Variants in DNAH6 observed in about 807,000 individuals in gnomAD.
DNAH6 encodes the protein axonemal beta dynein heavy chain 6.
DNAH6 carries 340 observed loss-of-function variants against 491.4 expected under a neutral mutation model. That is an observed-to-expected ratio of 0.69 (90% CI 0.63 to 0.76). The LOEUF (loss-of-function observed/expected upper bound fraction) is 0.76. DNAH6 is among the 30% of genes least tolerant of loss of function. DNAH6 has a pLI of 0.00. For missense variants in DNAH6, 4,443 were observed against 4,972.2 expected (o/e 0.89, Z 3.20); for synonymous variants, 1,603 against 1,686.1 (o/e 0.95, Z 1.21).
chr2:84,688,308 C>T (rs1694489177), intron 44 of DNAH6, 131 bp from the exon 45 acceptor site: 2 of 649,796 alleles, frequency 3.1e-6, no homozygotes, highest in African/African-American at 1.9e-5. Flanking sequence ...TTTCTGAGCT[C>T]CTATGTAAAT....
At chr2:84,627,434 G>C (rs6748022) in intron 29 of DNAH6, among the ~76,000 whole-genome samples, 3,325 of 152,140 alleles carry the variant, frequency 0.022, 67 homozygotes, top group Admixed American at 0.047. Flanking sequence ...TGGAATTATA[G>C]GTTTAAAATG....
At chr2:84,604,131 AT>A (rs1290942361) in intron 18 of DNAH6, among the ~76,000 whole-genome samples, 2 of 152,126 alleles carry the variant, frequency 1.3e-5, no homozygotes, top group African/African-American at 4.8e-5. Context: ...CTCTCTCCAA[AT>A]TTGGAGTTTG....
chr2:84,814,999 C>T (rs1225194314), intron 75 of DNAH6, among the ~76,000 whole-genome samples: 1 of 152,230 alleles, frequency 6.6e-6, no homozygotes, highest in Non-Finnish European at 1.5e-5. Context: ...CAGGCAAGAC[C>T]ACTGTCAGCC....
At chr2:84,703,648 A>G (rs993084561) in intron 50 of DNAH6, 86 bp downstream of exon 50, 4 of 1,165,544 alleles carry the variant, frequency 3.4e-6, no homozygotes, top group Non-Finnish European at 4.6e-6. Flanking sequence ...GGATTTTTTT[A>G]TTATATATGT....
intron 55 of DNAH6, 42 bp from the exon 56 acceptor site, chr2:84,710,245 A>G (rs750308214): frequency 3.3e-6 from 5 of 1,528,114 alleles, no homozygotes; most frequent in South Asian, 2.5e-5. Context: ...GCCATTTATT[A>G]TGCTCTGAAG....
chr2:84,514,111 C>G (rs1017146673), upstream of DNAH6, among the ~76,000 whole-genome samples: 2 of 152,128 alleles, frequency 1.3e-5, no homozygotes, highest in Non-Finnish European at 2.9e-5. Flanking sequence ...GCATTTGTAC[C>G]CACAGCACCC....
intron 10 of DNAH6, among the ~76,000 whole-genome samples, chr2:84,553,365 T>TC (rs1241580751): frequency 1.5e-4 from 3 of 19,802 alleles, no homozygotes; most frequent in Non-Finnish European, 3.1e-4. Context: ...TTTTCTTTTC[T>TC]TTTCTTTCTT....
chr2:84,809,039 G>T (rs1229363426), intron 72 of DNAH6, among the ~76,000 whole-genome samples: 1 of 152,110 alleles, frequency 6.6e-6, no homozygotes, highest in African/African-American at 2.4e-5. Flanking sequence ...CAGGGCCTGG[G>T]AATATGAATT....
chr2:84,609,524 G>C (rs907758183), intron 21 of DNAH6, among the ~76,000 whole-genome samples: 2 of 151,980 alleles, frequency 1.3e-5, no homozygotes, highest in Non-Finnish European at 2.9e-5. Flanking sequence ...GGGAACAGGG[G>C]AACAGCCAGT....
chr2:84,527,240 G>A (rs1676688574), intron 3 of DNAH6, among the ~76,000 whole-genome samples: 1 of 152,076 alleles, frequency 6.6e-6, no homozygotes, highest in Admixed American at 6.6e-5. Flanking sequence ...ATCCATCAGG[G>A]AGGAGTACTG....
At chr2:84,608,785 T>C (rs1686028858) in intron 21 of DNAH6, among the ~76,000 whole-genome samples, 1 of 152,188 alleles carries the variant, frequency 6.6e-6, no homozygotes. Context: ...CTAACATGAG[T>C]CAGCCTGTCC....
At chr2:84,720,890 G>T (rs1271968881) in intron 59 of DNAH6, among the ~76,000 whole-genome samples, 1 of 152,146 alleles carries the variant, frequency 6.6e-6, no homozygotes, top group East Asian at 1.9e-4. Context: ...TATTTGTTTT[G>T]CAAGGAGTTG....
intron 63 of DNAH6, among the ~76,000 whole-genome samples, chr2:84,755,569 A>G (rs144189354): frequency 9.9e-5 from 15 of 152,252 alleles, no homozygotes; most frequent in South Asian, 4.1e-4. Context: ...AGTGTTTTGT[A>G]TATACAAAAT....
chr2:84,501,337 C>T, the DNAH6 span, among the ~76,000 whole-genome samples: 1 of 152,028 alleles, frequency 6.6e-6, no homozygotes, highest in Non-Finnish European at 1.5e-5. Context: ...GATTCATTTG[C>T]ATATGTTGGG....
In DNAH6 at chr2:84,744,923, G is replaced by T. The variant is rs59882385; in HGVS notation, c.10343-157G>T. Among the ~76,000 whole-genome samples the T allele has an allele frequency of 0.012, 1,867 of 152,094 alleles. 12 individuals are homozygous for T. Among genetic ancestry groups the T allele is most frequent in the Middle Eastern group, 0.024 (7 of 294 alleles). ...TTACATTTTAAATTCTTTACTTTTTGATTAGGTTGGGTAGCAGGGGAGACT... is the reference window on the plus strand; with the variant it reads ...TTACATTTTAAATTCTTTACTTTTTTATTAGGTTGGGTAGCAGGGGAGACT... On this transcript the variant is annotated intron_variant, in intron 62 of 76. Coordinates refer to ENST00000389394, the MANE Select transcript of DNAH6 (RefSeq NM_001370.2).
At chr2:84,580,316 GCACACACA>G (rs36209367) in intron 14 of DNAH6, among the ~76,000 whole-genome samples, 68,443 of 148,998 alleles carry the variant, frequency 0.46, 16,394 homozygotes, top group East Asian at 0.69. Flanking sequence ...ACATACACAC[GCACACACA>G]CACACACACA....
intron 68 of DNAH6, among the ~76,000 whole-genome samples, chr2:84,788,822 T>C (rs1486893626): frequency 2.0e-5 from 3 of 152,156 alleles, no homozygotes; most frequent in Non-Finnish European, 2.9e-5. Context: ...CAGCAACAAA[T>C]GTCCCAAAGT....
At chr2:84,817,408 A>G (rs138953415) in intron 76 of DNAH6, among the ~76,000 whole-genome samples, 4 of 152,348 alleles carry the variant, frequency 2.6e-5, no homozygotes, top group East Asian at 3.9e-4. Flanking sequence ...AGGGAAGTGA[A>G]TAAAGACAGT....
chr2:84,736,071 A>G (rs914680978), intron 62 of DNAH6, among the ~76,000 whole-genome samples: 15 of 152,290 alleles, frequency 9.8e-5, no homozygotes, highest in African/African-American at 3.1e-4. Flanking sequence ...ATTCTTCTGC[A>G]TATGGTTAGC....
Sources: allele counts gnomAD v4.1 joint callset (sites outside exome capture counted in the v4.1 genomes callset), GRCh38; gene constraint gnomAD v4.1.1; transcripts MANE v1.5; gene names NCBI Gene and HGNC (gene_info 2026-07-23, HGNC 2026-07-21).